The following ITPKB variants were observed in gnomAD, a reference collection of about 807,000 sequenced individuals.
ITPKB encodes the protein IP3 3-kinase B.
Under a neutral mutation model 69.4 loss-of-function variants are expected in ITPKB, and 13 were observed. The ratio of observed to expected loss-of-function variants is 0.19; its 90% confidence interval spans 0.12 to 0.30. ITPKB has a LOEUF of 0.30. Among genes scored for constraint, ITPKB ranks in the 10% least tolerant of loss-of-function variants. The pLI is 1.00. For missense variants in ITPKB, 1,240 were observed against 1,250.5 expected, an observed-to-expected ratio of 0.99 and a Z score of 0.13; for synonymous variants, 584 against 513.7, an observed-to-expected ratio of 1.14 and a Z score of -1.85.
intron 2 of ITPKB, among the ~76,000 whole-genome samples, chr1:226,680,445 A>G (rs867685569): frequency 2.6e-5 from 4 of 152,238 alleles, no homozygotes; most frequent in African/African-American, 9.6e-5. Context: ...TCTTTCCCCA[A>G]GAGAGGAGGC....
At chr1:226,734,480 A>G (rs1657687026) in intron 2 of ITPKB, among the ~76,000 whole-genome samples, 1 of 152,232 alleles carries the variant, frequency 6.6e-6, no homozygotes. Context: ...TGAAATCGGA[A>G]GGCTACCTAC....
rs369579736 is a variant in ITPKB, at chr1:226,635,549, C to T, written c.2626-663G>A. 6.8e-4 allele frequency among the ~76,000 whole-genome samples: 104 copies of T among 152,280 alleles called. 1 individual carries two copies. In the South Asian group the frequency reaches 0.021, roughly 30 times the overall value. ...GGGCAAACTTTCCACTCTTTCTAGACCACAACCCAATCTGGGGCCTCGCCC... is the reference window on the plus strand; with the variant it reads ...GGGCAAACTTTCCACTCTTTCTAGATCACAACCCAATCTGGGGCCTCGCCC... On this transcript the variant is annotated intron_variant, in intron 7 of 7. Transcript: ENST00000429204.
At position 226,737,635 on chromosome 1, in the gene ITPKB, C is replaced by A. The variant is rs1657840089; in HGVS notation, c.-177G>T. 9.0e-7 allele frequency: 1 copy of A among 1,112,198 alleles called. No homozygotes were observed. The highest frequency in any genetic ancestry group is 4.9e-5 in the Admixed American group (1 of 20,348). 68.9% of individuals were successfully genotyped at this position (1,112,198 alleles called of 1,614,324 possible). ...GGGGCACGACCGCGGGCTCAGCCCC[C>A]GCCCAAAGCTCCATAAACAACCGTG... On this transcript the variant is annotated 5_prime_UTR_variant, in exon 2 of 8. Coordinates refer to ENST00000429204, the MANE Select transcript of ITPKB (RefSeq NM_002221.4).
At position 226,637,857 on chromosome 1, in the gene ITPKB, A is replaced by C. The variant is rs966260332; in HGVS notation, c.2554-107T>G. On this transcript the variant is annotated intron_variant, in intron 6 of 7. Transcript: ENST00000429204. This position sits in a 1 kb window ranked among gnomAD's most constrained non-coding sequence, Gnocchi z 4.3. ...CCCTCCCGTGAATGTGCTTTACCCT[A>C]AACGCCGGACATCTAGAGGCAGCTT... The C allele has an allele frequency of 7.5e-6, 6 of 802,586 alleles. No individual in the cohort carries two copies. The highest frequency in any genetic ancestry group is 6.8e-5 in the African/African-American group (4 of 58,398). The allele number at this position is 802,586 out of a possible 1,614,324, so 49.7% of individuals were successfully genotyped here. A position where few individuals can be genotyped will look rare whatever the true frequency, so the allele number is the denominator to read the frequency against.
Position 226,647,198 on chromosome 1 carries a change from G to A in ITPKB, c.2215C>T (p.Pro739Ser). The change falls in exon 4 of 8, where the codon CCC (proline) becomes TCC (serine). Residue 739 changes from proline (P) to serine (S), a missense_variant. By Grantham distance (74) the Pro-to-Ser change is moderately conservative. Transcript: ENST00000429204. The stretch of plus-strand genomic sequence containing the variant: ...CCCATCTTGCAGTCCATCACACAGG[G>A]CGAGTCGAAGTCGGCCAGCAGGTCG... The part of the protein sequence containing the change: ...MDDLLADFDS[P>S]CVMDCKMGIR... 6.2e-7 allele frequency: 1 copy of A among 1,614,214 alleles called. No individual in the cohort carries two copies. Among genetic ancestry groups the A allele is most frequent in the South Asian group, 1.1e-5 (1 of 91,088 alleles).
At chr1:226,724,020 CTT>C (rs1352699614) in intron 2 of ITPKB, among the ~76,000 whole-genome samples, 1 of 152,184 alleles carries the variant, frequency 6.6e-6, no homozygotes, top group Admixed American at 6.5e-5. Flanking sequence ...TAAAAACGCT[CTT>C]CACAACTGGT....
chr1:226,732,308 G>A (rs941387555), intron 2 of ITPKB, among the ~76,000 whole-genome samples: 2 of 152,010 alleles, frequency 1.3e-5, no homozygotes, highest in Admixed American at 6.6e-5. Flanking sequence ...GTACAATCTC[G>A]CCTCATTGCA....
At chr1:226,674,051 A>G (rs1005640198) in intron 2 of ITPKB, among the ~76,000 whole-genome samples, 1 of 152,006 alleles carries the variant, frequency 6.6e-6, no homozygotes, top group East Asian at 1.9e-4. Context: ...TTGCCACCCC[A>G]CTAACTCCGG....
chr1:226,736,473 C>T lies in ITPKB; in HGVS notation c.986G>A (p.Arg329Lys). 3 of 1,613,918 alleles carry T rather than the reference C, an allele frequency of 1.9e-6. No homozygotes were observed. Among genetic ancestry groups the T allele is most frequent in the Non-Finnish European group, 2.5e-6 (3 of 1,180,042 alleles). Residue 329 changes from arginine (R) to lysine (K), a missense_variant, in exon 2 of 8, where the codon AGA (arginine) becomes AAA (lysine). Physicochemically the swap from Arg to Lys is conservative, Grantham distance 26. Coordinates refer to ENST00000429204, the MANE Select transcript of ITPKB (RefSeq NM_002221.4). Reference sequence around the variant, plus strand: ...CTGCAGGTCCTCAAGCTCACGGGCTCTCCCAGACGGCTCAGTGAGGGCAAG... The same window carrying T: ...CTGCAGGTCCTCAAGCTCACGGGCTTTCCCAGACGGCTCAGTGAGGGCAAG... ...QDLALTEPSG[R>K]ARELEDLQPP...
chr1:226,659,519 C>T (rs1466809280), intron 2 of ITPKB: 1 of 152,210 alleles, frequency 6.6e-6, no homozygotes, highest in African/African-American at 2.4e-5. Context: ...TCTCCCTCCT[C>T]CCTTCTGTGT....
intron 7 of ITPKB, among the ~76,000 whole-genome samples, chr1:226,636,794 G>GTGTGTT (rs1558298456): frequency 4.3e-5 from 5 of 116,910 alleles, no homozygotes; most frequent in African/African-American, 2.2e-4. Context: ...GTGTGTGTGT[G>GTGTGTT]AGACTGGGAA....
In ITPKB at chr1:226,738,650, C is replaced by G. The variant is rs1657894316; in HGVS notation, c.-206+391G>C. ...AGCCCTAGGTGCACAGAGCCTCTAG[C>G]TCTGCAAACCTCCCAGGAGCCGGCG... On this transcript the variant is annotated intron_variant, in intron 1 of 7. Transcript: ENST00000429204. The surrounding 1 kb of genome is among the most constrained non-coding windows in gnomAD (Gnocchi z 4.2). Among the ~76,000 whole-genome samples, 2 of 152,154 alleles carry G rather than the reference C, an allele frequency of 1.3e-5. No homozygotes were observed. Among genetic ancestry groups the G allele is most frequent in the Admixed American group, 6.5e-5 (1 of 15,288 alleles).
chr1:226,647,318 A>G lies in ITPKB; in HGVS notation c.2095T>C (p.Cys699Arg). Residue 699 changes from cysteine (C) to arginine (R), a missense_variant, in exon 4 of 8, where the codon TGC becomes CGC. This residue lies in a region of ITPKB where 248 missense variants were observed against 396.7 expected (regional missense o/e 0.63). Coordinates refer to ENST00000429204, the MANE Select transcript of ITPKB (RefSeq NM_002221.4). ...LKKHCESEQRCLDRLMVDVLR... is the reference protein window; with the variant it reads ...LKKHCESEQRRLDRLMVDVLR... ...ACATCCACCATCAGCCGGTCCAGGCAGCGCTGCTCTGACTCACAGTGCTTC... is the reference window on the plus strand; with the variant it reads ...ACATCCACCATCAGCCGGTCCAGGCGGCGCTGCTCTGACTCACAGTGCTTC... 6.2e-7 allele frequency: 1 copy of G among 1,614,212 alleles called. No individual in the cohort carries two copies. Among genetic ancestry groups the G allele is most frequent in the Non-Finnish European group, 8.5e-7 (1 of 1,180,020 alleles).
chr1:226,679,824 A>T (rs1205081914), intron 2 of ITPKB, among the ~76,000 whole-genome samples: 3 of 152,126 alleles, frequency 2.0e-5, no homozygotes, highest in Non-Finnish European at 4.4e-5. Flanking sequence ...TCTAAATTCG[A>T]TTTTGCTGGG....
chr1:226,699,362 G>A (rs1404418994), intron 2 of ITPKB, among the ~76,000 whole-genome samples: 7 of 152,228 alleles, frequency 4.6e-5, no homozygotes, highest in Non-Finnish European at 7.3e-5. Context: ...TCCCCAGTGC[G>A]TGAGCCTATA....
chr1:226,664,542 A>G (rs1571847826), intron 2 of ITPKB, among the ~76,000 whole-genome samples: 1 of 152,220 alleles, frequency 6.6e-6, no homozygotes, highest in African/African-American at 2.4e-5. Context: ...GGCCTCTTGC[A>G]GGCTCAGCCC....
At chr1:226,681,335 C>T (rs1305830298) in intron 2 of ITPKB, among the ~76,000 whole-genome samples, 1 of 152,090 alleles carries the variant, frequency 6.6e-6, no homozygotes, top group Non-Finnish European at 1.5e-5. Context: ...TTGCAGACAC[C>T]TCCATCTGTA....
At chr1:226,708,596 C>T (rs758202603) in intron 2 of ITPKB, among the ~76,000 whole-genome samples, 1 of 152,190 alleles carries the variant, frequency 6.6e-6, no homozygotes, top group Non-Finnish European at 1.5e-5. Context: ...ATCATTTCCA[C>T]ACAGGACACG....
chr1:226,641,464 A>C lies in ITPKB; in HGVS notation c.2451+457T>G, dbSNP rs1001988238. ...AATAAATATTTTAAAATTTCCAAAA[A>C]AAGATCGAAGAGCAAAGCAGAGAGA... On this transcript the variant is annotated intron_variant, in intron 5 of 7. Transcript: ENST00000429204. The surrounding 1 kb of genome is among the most constrained non-coding windows in gnomAD (Gnocchi z 4.6). Among the ~76,000 whole-genome samples, 2 of 152,248 alleles carry C rather than the reference A, an allele frequency of 1.3e-5. No homozygotes were observed. Among genetic ancestry groups the C allele is most frequent in the Non-Finnish European group, 2.9e-5 (2 of 68,042 alleles).
Sources: gnomAD v4.1 joint callset for allele counts (sites outside exome capture counted in the v4.1 genomes callset) on GRCh38, gnomAD v4.1.1 for gene constraint, gnomAD v4.1.1 regional missense constraint, Gnocchi (gnomAD v3.1) non-coding constraint, MANE v1.5 for transcripts, NCBI Gene and HGNC (gene_info 2026-07-23, HGNC 2026-07-21) for gene names.